CDH13: variants seen among roughly 807,000 people sequenced by gnomAD.
CDH13 encodes the protein cadherin-13.
In CDH13, 24 loss-of-function variants were observed where a neutral mutation model predicts 63.8. The observed-to-expected ratio is 0.38, with a 90% CI of 0.27 to 0.53. CDH13 has a LOEUF of 0.53. Ranked by LOEUF, CDH13 falls within the 20% of genes least tolerant of loss-of-function variation. CDH13 has a pLI of 0.85. For missense variants in CDH13, 1,049 were observed against 903.1 expected (o/e 1.16, Z -2.07); for synonymous variants, 503 against 355.3 (o/e 1.42, Z -4.67).
chr16:83,260,586 C>T (rs902088985), intron 5 of CDH13, among the ~76,000 whole-genome samples: 2 of 152,244 alleles, frequency 1.3e-5, no homozygotes, highest in Non-Finnish European at 2.9e-5. Context: ...CTGGGAGGGA[C>T]TGAGATTCTG....
chr16:82,651,211 A>C (rs1910683566), intron 1 of CDH13, among the ~76,000 whole-genome samples: 1 of 152,230 alleles, frequency 6.6e-6, no homozygotes, highest in Admixed American at 6.5e-5. Context: ...ACAAATAAGA[A>C]ATAACTTTTA....
chr16:83,149,349 A>G (rs1396644901), intron 4 of CDH13, among the ~76,000 whole-genome samples: 1 of 152,230 alleles, frequency 6.6e-6, no homozygotes, highest in East Asian at 1.9e-4. Flanking sequence ...TGAGAAAGAC[A>G]TGGCAATGAC....
intron 1 of CDH13, among the ~76,000 whole-genome samples, chr16:82,725,362 A>G (rs186306417): frequency 5.3e-5 from 8 of 152,294 alleles, no homozygotes; most frequent in Admixed American, 1.3e-4. Context: ...TGTTCTCTCT[A>G]TAGTGAGGGA....
Position 83,117,412 on chromosome 16 carries a change from C to T in CDH13, c.367-7973C>T, listed in dbSNP as rs1021253560. Among the ~76,000 whole-genome samples, 12 of 152,000 alleles carry T rather than the reference C, an allele frequency of 7.9e-5. 1 individual carries two copies. Among genetic ancestry groups the T allele is most frequent in the Admixed American group, 2.0e-4 (3 of 15,268 alleles). Reference sequence around the variant, plus strand: ...CCTCCATCTTCCACTGCCATCTCCTCGGTGGACCGCTTCTTGCCTCCCTGT... The same window carrying T: ...CCTCCATCTTCCACTGCCATCTCCTTGGTGGACCGCTTCTTGCCTCCCTGT... On this transcript the variant is annotated intron_variant, in intron 3 of 13. Coordinates refer to ENST00000567109, the MANE Select transcript of CDH13 (RefSeq NM_001257.5).
In CDH13 at chr16:82,644,125, C is replaced by T. The variant is rs906710877; in HGVS notation, c.45+16988C>T. Among the ~76,000 whole-genome samples the T allele has an allele frequency of 2.0e-5, 3 of 152,048 alleles. No homozygotes were observed. Among genetic ancestry groups the T allele is most frequent in the African/African-American group, 7.2e-5 (3 of 41,384 alleles). ...AATTGATATGCTAATTGTCATTGTA[C>T]TCAAGTTGATAGCAGATTGCTGAAG... On this transcript the variant is annotated intron_variant, in intron 1 of 13. Coordinates refer to ENST00000567109, the MANE Select transcript of CDH13 (RefSeq NM_001257.5). The surrounding 1 kb of genome is among the most constrained non-coding windows in gnomAD (Gnocchi z 5.7).
At chr16:83,004,900 T>A (rs1359676022) in intron 2 of CDH13, among the ~76,000 whole-genome samples, 1 of 152,202 alleles carries the variant, frequency 6.6e-6, no homozygotes, top group African/African-American at 2.4e-5. Flanking sequence ...AGATGGCACT[T>A]GTCATCCCCA....
chr16:82,633,224 C>T (rs1015920296), intron 1 of CDH13, among the ~76,000 whole-genome samples: 4 of 152,192 alleles, frequency 2.6e-5, no homozygotes, highest in Admixed American at 6.5e-5. Flanking sequence ...GACAGCTGAG[C>T]ATCATCATTC....
intron 6 of CDH13, among the ~76,000 whole-genome samples, chr16:83,359,705 A>C (rs1028113701): frequency 6.6e-6 from 1 of 152,318 alleles, no homozygotes; most frequent in East Asian, 1.9e-4. Context: ...GTGCTCTCCA[A>C]ATTTTAAATA....
At chr16:83,413,863 A>C (rs1048065692) in intron 6 of CDH13, among the ~76,000 whole-genome samples, 1 of 152,126 alleles carries the variant, frequency 6.6e-6, no homozygotes, top group African/African-American at 2.4e-5. Flanking sequence ...TGGTGGGCAC[A>C]CACCTGTAAT....
At chr16:82,878,448 A>G (rs966372621) in intron 2 of CDH13, among the ~76,000 whole-genome samples, 5 of 147,438 alleles carry the variant, frequency 3.4e-5, no homozygotes, top group Non-Finnish European at 7.4e-5. Flanking sequence ...TTGAAGAGAA[A>G]GTCACACAGA....
At chr16:83,324,882 G>T (rs569260069) in intron 5 of CDH13, among the ~76,000 whole-genome samples, 1 of 152,186 alleles carries the variant, frequency 6.6e-6, no homozygotes, top group Non-Finnish European at 1.5e-5. Context: ...AGATCAAAAT[G>T]CTTAACATTG....
chr16:83,782,611 C>G (rs960598197), intron 12 of CDH13, among the ~76,000 whole-genome samples: 3 of 151,890 alleles, frequency 2.0e-5, no homozygotes, highest in Admixed American at 2.0e-4. Context: ...TAGTGTGTGC[C>G]TGTAATCCCA....
chr16:82,690,606 GA>G (rs1915551045), intron 1 of CDH13, among the ~76,000 whole-genome samples: 1 of 152,082 alleles, frequency 6.6e-6, no homozygotes, highest in Admixed American at 6.5e-5. Context: ...AGACACTTAA[GA>G]AAAAAATCTG....
intron 1 of CDH13, among the ~76,000 whole-genome samples, chr16:82,632,670 C>T (rs111807630): frequency 7.2e-5 from 11 of 152,118 alleles, no homozygotes; most frequent in African/African-American, 1.9e-4. Context: ...TACCAGGGAC[C>T]GGTTTCGTGG....
At chr16:82,817,393 A>G (rs977632651) in intron 1 of CDH13, among the ~76,000 whole-genome samples, 18 of 152,182 alleles carry the variant, frequency 1.2e-4, no homozygotes, top group Non-Finnish European at 2.4e-4. Flanking sequence ...GCCCAGTGGA[A>G]TGTGTACTCT....
chr16:83,623,867 A>C (rs1017412502), intron 8 of CDH13, among the ~76,000 whole-genome samples: 1 of 152,222 alleles, frequency 6.6e-6, no homozygotes, highest in Non-Finnish European at 1.5e-5. Flanking sequence ...GCGGAAGCCT[A>C]AGACTAGAGG....
chr16:83,547,600 G>C (rs1325868605), intron 7 of CDH13, among the ~76,000 whole-genome samples: 1 of 152,144 alleles, frequency 6.6e-6, no homozygotes, highest in Non-Finnish European at 1.5e-5. Flanking sequence ...ATGGCCTCCA[G>C]CTCCATCCAT....
intron 3 of CDH13, among the ~76,000 whole-genome samples, chr16:83,067,018 A>G (rs958637558): frequency 6.6e-6 from 1 of 152,194 alleles, no homozygotes; most frequent in African/African-American, 2.4e-5. Context: ...TGCCTCCAGG[A>G]GGCATCTTAT....
chr16:83,604,478 A>T (rs1235721657), intron 8 of CDH13, among the ~76,000 whole-genome samples: 1 of 152,226 alleles, frequency 6.6e-6, no homozygotes, highest in African/African-American at 2.4e-5. Flanking sequence ...TGTGGGAAAC[A>T]CTGAATTGAT....
Sources: allele counts gnomAD v4.1 joint callset (sites outside exome capture counted in the v4.1 genomes callset), GRCh38; gene constraint gnomAD v4.1.1; non-coding constraint Gnocchi (gnomAD v3.1); transcripts MANE v1.5; gene names NCBI Gene and HGNC (gene_info 2026-07-23, HGNC 2026-07-21).